PRH1: variants seen among roughly 807,000 people sequenced by gnomAD.
The protein encoded by PRH1 is salivary acidic proline-rich phosphoprotein 1/2.
In PRH1, 7 loss-of-function variants were observed where a neutral mutation model predicts 7.9. The ratio of observed to expected loss-of-function variants is 0.89; its 90% CI spans 0.50 to 1.67. The LOEUF is 1.67. PRH1 is among the 40% of genes most tolerant of loss of function. The probability of loss-of-function intolerance (pLI) is 0.00; values close to 1 mark genes in which losing one functional copy is unlikely to be tolerated. For synonymous variants in PRH1, 45 were observed against 80.8 expected, an observed-to-expected ratio of 0.56 and a Z score of 2.38; for missense variants, 109 against 223.6, an observed-to-expected ratio of 0.49 and a Z score of 3.27.
At chr12:11,164,704 A>G (rs548191114) in intron 1 of PRH1, among the ~76,000 whole-genome samples, 52 of 152,154 alleles carry the variant, frequency 3.4e-4, no homozygotes, top group African/African-American at 1.2e-3. Context: ...AGAACATCTA[A>G]AATGTCTTGT....
rs909965254 is a variant in PRH1 at position 10,986,093 on chromosome 12, C to T, written c.-125-12372G>A. On this transcript the variant is annotated intron_variant, in intron 1 of 3. Coordinates refer to the PRH1 transcript ENST00000539853. The stretch of plus-strand genomic sequence containing the variant: ...TGCTAACCATGACAACCGGGTCATT[C>T]CGCAGCCTCCTAGGACTCCAAACCG... 3.7e-6 allele frequency: 6 copies of T among 1,613,894 alleles called. No homozygotes were observed. In the African/African-American group the frequency reaches 6.7e-5, roughly 18 times the overall value.
intron 1 of PRH1, among the ~76,000 whole-genome samples, chr12:11,167,636 C>T (rs965497614): frequency 4.6e-5 from 7 of 151,876 alleles, no homozygotes; most frequent in African/African-American, 7.3e-5. Context: ...AGTAGAGAGA[C>T]GGGGTTTCAC....
chr12:10,977,947 T>A (rs1256630483), intron 1 of PRH1, among the ~76,000 whole-genome samples: 1 of 151,942 alleles, frequency 6.6e-6, no homozygotes, highest in Admixed American at 6.6e-5. Flanking sequence ...AGCTCATGGA[T>A]AGAAAGAATC....
intron 2 of PRH1, among the ~76,000 whole-genome samples, chr12:10,970,609 G>C (rs1938764730): frequency 6.7e-5 from 10 of 150,032 alleles, no homozygotes; most frequent in Admixed American, 6.6e-4. Context: ...TTGTTGCCCA[G>C]GCTGGAGTGC....
chr12:10,940,315 T>C (rs1245037273), intron 2 of PRH1, among the ~76,000 whole-genome samples: 1 of 152,246 alleles, frequency 6.6e-6, no homozygotes. Flanking sequence ...TCAGCATTTA[T>C]TATGCATCTA....
chr12:11,139,912 C>A (rs139666152), intron 1 of PRH1, among the ~76,000 whole-genome samples: 1 of 151,836 alleles, frequency 6.6e-6, no homozygotes, highest in South Asian at 2.1e-4. Flanking sequence ...AAATAAGTAA[C>A]GTAAGAGTAA....
intron 1 of PRH1, chr12:11,034,859 C>T (rs1461687918): frequency 6.5e-6 from 1 of 152,816 alleles, no homozygotes; most frequent in Non-Finnish European, 1.5e-5. Context: ...TGAACTCCAG[C>T]CTGGATAACA....
chr12:11,167,515 G>C (rs1044252047), intron 1 of PRH1, among the ~76,000 whole-genome samples: 1 of 151,334 alleles, frequency 6.6e-6, no homozygotes, highest in Non-Finnish European at 1.5e-5. Flanking sequence ...CCCCATCTCG[G>C]CTCACTGCAA....
intron 2 of PRH1, chr12:10,973,591 A>G: frequency 2.7e-6 from 2 of 745,314 alleles, no homozygotes; most frequent in Non-Finnish European, 2.5e-6. Flanking sequence ...TGTCTGATAC[A>G]GGCAGAAACC....
At chr12:11,142,649 G>A (rs1340889550) in intron 1 of PRH1, among the ~76,000 whole-genome samples, 1 of 152,128 alleles carries the variant, frequency 6.6e-6, no homozygotes, top group Non-Finnish European at 1.5e-5. Flanking sequence ...ACTACCTCAA[G>A]GAATTTAATA....
exon 2 of PRH1, chr12:11,120,897 T>C (rs541554140): frequency 3.3e-5 from 5 of 153,592 alleles, no homozygotes; most frequent in South Asian, 2.1e-4. Flanking sequence ...GAGGGGAATA[T>C]TGGCAACGTC....
chr12:11,133,124 C>CACAA lies in PRH1; in HGVS notation n.40-11945_40-11944insTTGT, dbSNP rs527613432. The CACAA allele has an allele frequency of 1.2e-3, 916 of 787,576 alleles. 4 individuals are homozygous for CACAA. The African/African-American group carries it at 0.015, about 13-fold the overall frequency. 48.8% of individuals were successfully genotyped at this position (787,576 alleles called of 1,614,324 possible). ...TCAATGTTCTTCAGTTTTTCATACACACACACACACACACACACATCTATA... is the reference window on the plus strand; with the variant it reads ...TCAATGTTCTTCAGTTTTTCATACACACAAACACACACACACACACACATCTATA... On this transcript the variant is annotated intron_variant and non_coding_transcript_variant, in intron 1 of 1. Coordinates refer to the PRH1 transcript ENST00000541175.
chr12:10,997,883 C>A, intron 1 of PRH1: 1 of 1,555,724 alleles, frequency 6.4e-7, no homozygotes, highest in Non-Finnish European at 8.7e-7. Context: ...CATGTCTAAA[C>A]AAAAAAGCAA....
At chr12:11,032,933 A>G (rs1942289836) in intron 1 of PRH1, among the ~76,000 whole-genome samples, 1 of 152,240 alleles carries the variant, frequency 6.6e-6, no homozygotes, top group South Asian at 2.1e-4. Context: ...CATTTACCAT[A>G]AGAGTATGGC....
upstream of PRH1, among the ~76,000 whole-genome samples, chr12:10,886,618 G>T (rs143409574): frequency 6.6e-6 from 1 of 152,176 alleles, no homozygotes; most frequent in Non-Finnish European, 1.5e-5. Context: ...ACCTAGAGGT[G>T]GGTGGCAGCC....
At chr12:10,882,948 T>C (rs1949430818) in intron 2 of PRH1, 113 bp downstream of exon 2, 13 of 1,481,476 alleles carry the variant, frequency 8.8e-6, no homozygotes, top group Admixed American at 1.8e-5. Context: ...CTTTGGGGCA[T>C]TGGTATTAGC....
In PRH1 at chr12:10,985,044, T is replaced by C. The variant is rs558766640; in HGVS notation, c.-125-11323A>G. Among the ~76,000 whole-genome samples the C allele has an allele frequency of 9.9e-5, 15 of 151,064 alleles. 1 individual carries two copies. In the South Asian group the frequency reaches 3.0e-3, roughly 30 times the overall value. On this transcript the variant is annotated intron_variant, in intron 1 of 3. Coordinates refer to the PRH1 transcript ENST00000539853. ...CAAGTATGGAAGATAGAGGAGATCA[T>C]TGGCAATTCAGGGACTCTGAGGTGG...
chr12:10,923,030 T>G (rs1340725320), intron 2 of PRH1, among the ~76,000 whole-genome samples: 7 of 149,900 alleles, frequency 4.7e-5, no homozygotes, highest in East Asian at 2.0e-4. Flanking sequence ...GGGTTTCACC[T>G]TGTTAGCCAG....
intron 1 of PRH1, among the ~76,000 whole-genome samples, chr12:11,081,780 T>C (rs1279658742): frequency 1.7e-3 from 166 of 97,048 alleles, no homozygotes; most frequent in Middle Eastern, 4.5e-3. Context: ...CCTTTAAATT[T>C]CATCATTACC....
Sources: gnomAD v4.1 joint callset for allele counts (sites outside exome capture counted in the v4.1 genomes callset) on GRCh38, gnomAD v4.1.1 for gene constraint, MANE v1.5 for transcripts, NCBI Gene and HGNC (gene_info 2026-07-23, HGNC 2026-07-21) for gene names.